The following ANKRD27 variants were observed in gnomAD, a reference collection of about 807,000 sequenced individuals.
ANKRD27 encodes the protein ankyrin repeat domain 27.
ANKRD27 carries 112 observed loss-of-function variants against 129.7 expected under a neutral mutation model. The ratio of observed to expected loss-of-function variants is 0.86; its 90% CI spans 0.74 to 1.01. ANKRD27 has a LOEUF of 1.01. Ranked by LOEUF, ANKRD27 falls within the 50% of genes least tolerant of loss-of-function variation. The pLI is 0.00. For synonymous variants in ANKRD27, 516 were observed against 511.2 expected, an observed-to-expected ratio of 1.01 and a Z score of -0.13; for missense variants, 1,258 against 1,300.5, an observed-to-expected ratio of 0.97 and a Z score of 0.50.
chr19:32,619,600 C>A, intron 18 of ANKRD27, 47 bp from the exon 19 acceptor site: 1 of 1,604,720 alleles, frequency 6.2e-7, no homozygotes, highest in South Asian at 1.1e-5. Context: ...AGATGGGGGT[C>A]GTCTCAGCAC....
At chr19:32,635,144 A>G (rs1967066408) in intron 12 of ANKRD27, among the ~76,000 whole-genome samples, 1 of 152,150 alleles carries the variant, frequency 6.6e-6, no homozygotes. Flanking sequence ...AGGGGATGGG[A>G]GCATCTTTGA....
rs545218538 is a variant in ANKRD27 at position 32,619,151 on chromosome 19, C to T, written c.2007+109G>A. On this transcript the variant is annotated intron_variant, in intron 20 of 28. Coordinates refer to ENST00000306065, the MANE Select transcript of ANKRD27 (RefSeq NM_032139.3). ...AGAGCAGCAGCGGCCTCAGCATGGG[C>T]AAGCAGGCTGAGAGGGCGGCCCTTG... The T allele has an allele frequency of 1.8e-5, 26 of 1,428,540 alleles. No individual in the cohort carries two copies. In the African/African-American group the frequency reaches 3.6e-4, roughly 20 times the overall value. The allele number at this position is 1,428,540 out of a possible 1,614,324, so 88.5% of individuals were successfully genotyped here.
intron 2 of ANKRD27, among the ~76,000 whole-genome samples, chr19:32,651,287 C>G (rs1054302194): frequency 8.5e-5 from 13 of 152,168 alleles, no homozygotes; most frequent in African/African-American, 3.1e-4. Context: ...ATGGCCCCCC[C>G]TCCAGCTGCA....
chr19:32,606,144 T>C (rs1247580094), intron 23 of ANKRD27, among the ~76,000 whole-genome samples, 190 bp from the exon 24 acceptor site: 2 of 122,060 alleles, frequency 1.6e-5, no homozygotes, highest in African/African-American at 3.8e-5. Context: ...CTTTTTGGTT[T>C]TTCTTTCTTT....
At chr19:32,625,825 A>G (rs1342373460) in intron 17 of ANKRD27, 49 bp downstream of exon 17, 1 of 1,399,508 alleles carries the variant, frequency 7.1e-7, no homozygotes, top group Non-Finnish European at 9.6e-7. Context: ...CTTCTCTACG[A>G]GTGGGAAAGG....
intron 10 of ANKRD27, among the ~76,000 whole-genome samples, chr19:32,640,929 C>T (rs1967188260): frequency 6.6e-6 from 1 of 151,992 alleles, no homozygotes; most frequent in African/African-American, 2.4e-5. Flanking sequence ...AACGGAGTCT[C>T]GCTCAGTCAC....
At chr19:32,634,992 A>G (rs1411644095) in intron 12 of ANKRD27, among the ~76,000 whole-genome samples, 4 of 152,194 alleles carry the variant, frequency 2.6e-5, no homozygotes, top group African/African-American at 9.6e-5. Flanking sequence ...TATTACTGCC[A>G]ATGTGCCTGC....
intron 23 of ANKRD27, among the ~76,000 whole-genome samples, chr19:32,606,616 C>CCCGATGTG: frequency 6.6e-6 from 1 of 152,230 alleles, no homozygotes; most frequent in East Asian, 1.9e-4. Flanking sequence ...TCTCACTTCA[C>CCCGATGTG]CTTTCTATCC....
intron 1 of ANKRD27, among the ~76,000 whole-genome samples, chr19:32,662,346 C>T (rs1967662593): frequency 7.3e-6 from 1 of 136,454 alleles, no homozygotes; most frequent in Admixed American, 7.5e-5. Flanking sequence ...AGGAAGTAGA[C>T]TCATTTCCGC....
At chr19:32,616,838 G>C (rs532908905) in intron 21 of ANKRD27, among the ~76,000 whole-genome samples, 1 of 152,206 alleles carries the variant, frequency 6.6e-6, no homozygotes, top group East Asian at 1.9e-4. Flanking sequence ...GCTGACCACA[G>C]CTTCTGCAGA....
At chr19:32,655,450 A>C (rs1370853009) in intron 2 of ANKRD27, 1 of 152,338 alleles carries the variant, frequency 6.6e-6, no homozygotes, top group African/African-American at 2.4e-5. Flanking sequence ...CTGTGGGGCA[A>C]CCCTGGATGG....
chr19:32,617,493 G>T, intron 21 of ANKRD27, 96 bp downstream of exon 21: 1 of 604,608 alleles, frequency 1.7e-6, no homozygotes, highest in Non-Finnish European at 3.0e-6. Context: ...GCTGCAGTGA[G>T]CCATGATCAC....
At chr19:32,652,529 C>G (rs937151967) in intron 2 of ANKRD27, among the ~76,000 whole-genome samples, 2 of 152,010 alleles carry the variant, frequency 1.3e-5, no homozygotes, top group Admixed American at 1.3e-4. Flanking sequence ...GAGCCGAGAT[C>G]GCACCACTGC....
chr19:32,640,448 A>C, intron 10 of ANKRD27, 63 bp from the exon 11 acceptor site: 10 of 1,387,350 alleles, frequency 7.2e-6, no homozygotes, highest in African/African-American at 1.4e-5. Context: ...CAAGCATATC[A>C]ACTCCCTACC....
rs773156520 is a variant in ANKRD27 at position 32,598,305 on chromosome 19, C to G, written c.2993G>C (p.Gly998Ala). The change falls in exon 29 of 29, where the codon GGC (glycine) becomes GCC (alanine). Residue 998 changes from glycine (G) to alanine (A), a missense_variant. Physicochemically the swap from Gly to Ala is moderately conservative, Grantham distance 60 (BLOSUM62 0). Coordinates refer to ENST00000306065, the MANE Select transcript of ANKRD27 (RefSeq NM_032139.3). ...AGGCCTCTCTGGCCAGTCGCTGTTG[C>G]CTTTCTCAGCAGCATGAGATCCACT... ...AQSGSHAAEKGNSDWPERPGL... is the reference protein window; with the variant it reads ...AQSGSHAAEKANSDWPERPGL... 18 of 1,614,054 alleles carry G rather than the reference C, an allele frequency of 1.1e-5. 1 individual carries two copies. In the South Asian group the frequency reaches 2.0e-4, roughly 18 times the overall value.
rs1393189243 is a variant in ANKRD27 at position 32,597,873 on chromosome 19, A to C, written c.*272T>G. The C allele has an allele frequency of 1.2e-5, 6 of 494,688 alleles. No individual in the cohort carries two copies. The highest frequency in any genetic ancestry group is 5.6e-4 in the Middle Eastern group (1 of 1,790). 30.6% of individuals were successfully genotyped at this position (494,688 alleles called of 1,614,324 possible). On this transcript the variant is annotated 3_prime_UTR_variant, in exon 29 of 29. Coordinates refer to ENST00000306065, the MANE Select transcript of ANKRD27 (RefSeq NM_032139.3). The stretch of plus-strand genomic sequence containing the variant: ...CCAACAAACCCTCATACTTAAAAAG[A>C]AGCATGCACCTCTGGCTTAAGGATC...
chr19:32,658,071 T>C (rs16967339), intron 2 of ANKRD27, among the ~76,000 whole-genome samples: 1 of 152,174 alleles, frequency 6.6e-6, no homozygotes, highest in Admixed American at 6.6e-5. Flanking sequence ...CTAACCTGAC[T>C]TCTCCTTCAG....
At chr19:32,671,649 C>T (rs775912612) in intron 1 of ANKRD27, among the ~76,000 whole-genome samples, 1 of 152,046 alleles carries the variant, frequency 6.6e-6, no homozygotes, top group East Asian at 1.9e-4. Context: ...GAGCCGAGAT[C>T]GGGCCACTGC....
chr19:32,600,275 C>T, intron 26 of ANKRD27: 1 of 400,130 alleles, frequency 2.5e-6, no homozygotes, highest in Non-Finnish European at 4.7e-6. Flanking sequence ...TGCAGTGGCT[C>T]ATGCCTGTAA....
Sources: gnomAD v4.1 joint callset for allele counts (sites outside exome capture counted in the v4.1 genomes callset) on GRCh38, gnomAD v4.1.1 for gene constraint, MANE v1.5 for transcripts, NCBI Gene and HGNC (gene_info 2026-07-23, HGNC 2026-07-21) for gene names.